FBP1: variants seen among roughly 807,000 people sequenced by gnomAD.
FBP1 encodes fructose-1,6-bisphosphatase 1.
FBP1 carries 22 observed loss-of-function variants against 29.9 expected under a neutral mutation model. The observed-to-expected ratio is 0.74, with a 90% CI of 0.53 to 1.05. The LOEUF (loss-of-function observed/expected upper bound fraction) is 1.05. Ranked by LOEUF, FBP1 falls within the 50% of genes least tolerant of loss-of-function variation. FBP1 has a pLI of 0.00. For synonymous variants in FBP1, 175 were observed against 178.6 expected, an observed-to-expected ratio of 0.98 and a Z score of 0.16; for missense variants, 345 against 448.2, an observed-to-expected ratio of 0.77 and a Z score of 2.08.
upstream of FBP1, among the ~76,000 whole-genome samples, chr9:94,639,730 C>CCAA (rs28382858): frequency 1.3e-5 from 2 of 149,548 alleles, no homozygotes; most frequent in African/African-American, 5.1e-5. Flanking sequence ...TGTCGCCCCC[C>CCAA]ACACACACCC....
At chr9:94,606,776 G>A in intron 5 of FBP1, 39 bp downstream of exon 5, 1 of 1,600,910 alleles carries the variant, frequency 6.2e-7, no homozygotes, top group Non-Finnish European at 8.5e-7. Flanking sequence ...GGTGCCAGAT[G>A]CCCAGAACCT....
Position 94,603,432 on chromosome 9 carries a change from G to C in FBP1, c.966C>G (p.Pro322=). The change falls in exon 7 of 7, where the codon CCC becomes CCG. Residue 322 remains proline (P), a synonymous_variant. Coordinates refer to ENST00000375326, the MANE Select transcript of FBP1 (RefSeq NM_000507.4). ...HQRAPVILGS[P]DDVLEFLKVY... is the part of the protein sequence containing the mutation. ...CCTTCAGGAACTCGAGCACGTCGTC[G>C]GGGGATCCCAAGATCACCGGCGCCC... 2 of 1,613,800 alleles carry C rather than the reference G, an allele frequency of 1.2e-6. No individual in the cohort carries two copies. The highest frequency in any genetic ancestry group is 1.1e-5 in the South Asian group (1 of 91,030).
chr9:94,632,090 T>C (rs1402494153), intron 1 of FBP1, among the ~76,000 whole-genome samples: 9 of 152,098 alleles, frequency 5.9e-5, no homozygotes, highest in Admixed American at 5.9e-4. Context: ...AAACTGCAAA[T>C]TGGAAGATAA....
chr9:94,626,085 C>T (rs1828022724), intron 1 of FBP1, among the ~76,000 whole-genome samples: 1 of 152,224 alleles, frequency 6.6e-6, no homozygotes. Context: ...CTTGGGAACG[C>T]CTCTTCTCTT....
intron 3 of FBP1, among the ~76,000 whole-genome samples, chr9:94,616,863 A>ACCACTC (rs1204358017): frequency 4.7e-5 from 7 of 150,168 alleles, no homozygotes; most frequent in African/African-American, 1.7e-4. Context: ...ATAATTGAGC[A>ACCACTC]CCTCTCCCTC....
intron 4 of FBP1, among the ~76,000 whole-genome samples, chr9:94,608,441 T>C (rs1299580289): frequency 6.6e-6 from 1 of 152,104 alleles, no homozygotes; most frequent in Non-Finnish European, 1.5e-5. Context: ...CAAGAAGGGA[T>C]TGAATGTTTT....
Position 94,620,511 on chromosome 9 carries a change from C to T in FBP1, c.171-20G>A. On this transcript the variant is annotated intron_variant, in intron 1 of 6. Transcript: ENST00000375326. ...CCATAGCTACAGGGAACAAAAGCCA[C>T]AAAAAATAAGCCATGACCACCAGAA... 5 of 1,613,006 alleles carry T rather than the reference C, an allele frequency of 3.1e-6. No homozygotes were observed. The highest frequency in any genetic ancestry group is 4.2e-6 in the Non-Finnish European group (5 of 1,179,492).
At chr9:94,612,826 GCTGGGATCAGCCCC>G (rs1310798003) in intron 3 of FBP1, among the ~76,000 whole-genome samples, 2 of 152,068 alleles carry the variant, frequency 1.3e-5, no homozygotes, top group Non-Finnish European at 2.9e-5. Flanking sequence ...CTCCCAAAGA[GCTGGGATCAGCCCC>G]CTTTCTAATT....
At chr9:94,603,677 G>A in intron 6 of FBP1, 105 bp from the exon 7 acceptor site, 2 of 1,019,498 alleles carry the variant, frequency 2.0e-6, no homozygotes, top group Non-Finnish European at 3.1e-6. Context: ...GTTTCCAAGG[G>A]AACGAATACT....
In FBP1 at chr9:94,603,436, G is replaced by A. The variant is rs747191202; in HGVS notation, c.962C>T (p.Ser321Phe). 11 of 1,614,030 alleles carry A rather than the reference G, an allele frequency of 6.8e-6. No individual in the cohort carries two copies. Among genetic ancestry groups the A allele is most frequent in the Middle Eastern group, 1.7e-4 (1 of 6,060 alleles). Residue 321 changes from serine (S) to phenylalanine (F), a missense_variant, in exon 7 of 7, where the codon TCC (serine) becomes TTC (phenylalanine). Ser to Phe is a radical substitution (Grantham distance 155). Coordinates refer to ENST00000375326, the MANE Select transcript of FBP1 (RefSeq NM_000507.4). The stretch of plus-strand genomic sequence containing the variant: ...CAGGAACTCGAGCACGTCGTCGGGG[G>A]ATCCCAAGATCACCGGCGCCCTCTG... ...IHQRAPVILG[S>F]PDDVLEFLKV... is the part of the protein sequence containing the mutation.
Position 94,620,431 on chromosome 9 carries a change from G to T in FBP1, c.231C>A (p.Leu77=). 2 of 1,614,182 alleles carry T rather than the reference G, an allele frequency of 1.2e-6. No individual in the cohort carries two copies. The highest frequency in any genetic ancestry group is 2.2e-5 in the South Asian group (2 of 91,088). ...ACATGTTCATAACCAGGTCGTTGGA[G>T]AGGACGTCCAGCTTCTTAACTTGAT... ...TGDQVKKLDV[L]SNDLVMNMLK... Residue 77 remains leucine, a synonymous_variant, in exon 2 of 7, where the codon CTC becomes CTA. Coordinates refer to ENST00000375326, the MANE Select transcript of FBP1 (RefSeq NM_000507.4).
At position 94,606,020 on chromosome 9, in the gene FBP1, G is replaced by A. The variant is rs28369756; in HGVS notation, c.706-444C>T. On this transcript the variant is annotated intron_variant, in intron 5 of 6. Coordinates refer to ENST00000375326, the MANE Select transcript of FBP1 (RefSeq NM_000507.4). ...ATATGGTCCTGGAGGAGGAGCCTGT[G>A]GGACTCGGGTGTGCGTGTGCGGAGC... 7.3e-3 allele frequency among the ~76,000 whole-genome samples: 1,109 copies of A among 152,194 alleles called. 13 individuals are homozygous for A. Among genetic ancestry groups the A allele is most frequent in the African/African-American group, 0.026 (1,066 of 41,520 alleles).
At chr9:94,621,664 T>C (rs1249918645) in intron 1 of FBP1, among the ~76,000 whole-genome samples, 2 of 152,316 alleles carry the variant, frequency 1.3e-5, no homozygotes, top group East Asian at 1.9e-4. Context: ...ATAGTAGATA[T>C]CTGTTTATTG....
intron 1 of FBP1, among the ~76,000 whole-genome samples, chr9:94,625,365 C>A (rs2131495382): frequency 6.6e-6 from 1 of 152,288 alleles, no homozygotes; most frequent in African/African-American, 2.4e-5. Flanking sequence ...CAGCACTCTG[C>A]AAGGACGCAT....
At chr9:94,619,488 C>T (rs556509332) in intron 2 of FBP1, among the ~76,000 whole-genome samples, 2 of 152,162 alleles carry the variant, frequency 1.3e-5, no homozygotes, top group East Asian at 1.9e-4. Context: ...TCTTTTTCAA[C>T]AGTCATTTGT....
intron 1 of FBP1, among the ~76,000 whole-genome samples, chr9:94,621,049 T>C (rs1827939628): frequency 6.6e-6 from 1 of 151,496 alleles, no homozygotes; most frequent in Non-Finnish European, 1.5e-5. Flanking sequence ...CCGTCTCTAT[T>C]AAAAAATACA....
chr9:94,630,135 A>G lies in FBP1; in HGVS notation c.170+9006T>C, dbSNP rs1343074449. On this transcript the variant is annotated intron_variant, in intron 1 of 6. Coordinates refer to ENST00000375326, the MANE Select transcript of FBP1 (RefSeq NM_000507.4). The stretch of plus-strand genomic sequence containing the variant: ...AGACCTATCAGTCTTGATCCTGGAA[A>G]AAAGAATATTTTGTTCACCATGTAT... 2.6e-5 allele frequency among the ~76,000 whole-genome samples: 4 copies of G among 152,228 alleles called. No individual in the cohort carries two copies. The East Asian group carries it at 7.7e-4, about 29-fold the overall frequency.
intron 1 of FBP1, among the ~76,000 whole-genome samples, chr9:94,631,245 G>A (rs1233076482): frequency 6.6e-6 from 1 of 152,036 alleles, no homozygotes; most frequent in East Asian, 1.9e-4. Context: ...TGGAGTTTGG[G>A]GAGCAGAACT....
chr9:94,604,630 A>G (rs756107220), intron 6 of FBP1, among the ~76,000 whole-genome samples: 93 of 152,140 alleles, frequency 6.1e-4, no homozygotes, highest in Non-Finnish European at 1.1e-3. Context: ...CTAAAAATAT[A>G]AAAATTAGTC....
Sources: gnomAD v4.1 joint callset for allele counts (sites outside exome capture counted in the v4.1 genomes callset) on GRCh38, gnomAD v4.1.1 for gene constraint, MANE v1.5 for transcripts, NCBI Gene and HGNC (gene_info 2026-07-23, HGNC 2026-07-21) for gene names.